ASB15: variants seen among roughly 807,000 people sequenced by gnomAD.
ASB15 encodes the protein ankyrin repeat and SOCS box protein 15.
Under a neutral mutation model 58.0 loss-of-function variants are expected in ASB15, and 54 were observed. The observed-to-expected ratio is 0.93, with a 90% CI of 0.75 to 1.17. ASB15 has a LOEUF of 1.17. ASB15 is among the 50% of genes most tolerant of loss of function. The pLI is 0.00. For synonymous variants in ASB15, 249 were observed against 262.4 expected, an observed-to-expected ratio of 0.95 and a Z score of 0.50; for missense variants, 680 against 707.4, an observed-to-expected ratio of 0.96 and a Z score of 0.44.
chr7:123,594,635 G>A (rs1584745380), intron 1 of ASB15, among the ~76,000 whole-genome samples: 1 of 152,160 alleles, frequency 6.6e-6, no homozygotes, highest in Non-Finnish European at 1.5e-5. Context: ...AAATATTGCT[G>A]CCTGATCCAT....
At chr7:123,597,917 CGTGTGT>C (rs61508655), upstream of ASB15, among the ~76,000 whole-genome samples, 440 of 133,056 alleles carry the variant, frequency 3.3e-3, 3 homozygotes, top group South Asian at 8.5e-3. Flanking sequence ...TTTCAAACTT[CGTGTGT>C]GTGTGTGTGT....
chr7:123,577,901 T>A (rs1471372662), intron 1 of ASB15, among the ~76,000 whole-genome samples: 3 of 152,018 alleles, frequency 2.0e-5, no homozygotes, highest in Non-Finnish European at 4.4e-5. Flanking sequence ...ATTACTTTTT[T>A]AAAAATTATA....
At chr7:123,591,514 G>A in intron 1 of ASB15, among the ~76,000 whole-genome samples, 1 of 152,174 alleles carries the variant, frequency 6.6e-6, no homozygotes. Flanking sequence ...ATGAAAGGCT[G>A]TTGAAGTTTG....
intron 8 of ASB15, among the ~76,000 whole-genome samples, chr7:123,626,055 C>T (rs1244951432): frequency 6.6e-6 from 1 of 152,180 alleles, no homozygotes; most frequent in Non-Finnish European, 1.5e-5. Flanking sequence ...ACTGGAATAT[C>T]ATACAGTTTG....
At position 123,637,651 on chromosome 7, in the gene ASB15, A is replaced by T. The variant is rs1206560759; in HGVS notation, c.*670A>T. The stretch of plus-strand genomic sequence containing the variant: ...AGCCAATCTTACAGTTATATATCTT[A>T]AGCCCTCTTCTCTTTGTTCTTTAAG... On this transcript the variant is annotated 3_prime_UTR_variant, in exon 12 of 12. Transcript: ENST00000451215. 1.3e-5 allele frequency: 2 copies of T among 151,760 alleles called. No individual in the cohort carries two copies. The highest frequency in any genetic ancestry group is 4.8e-5 in the African/African-American group (2 of 41,292). 9.4% of individuals were successfully genotyped at this position (151,760 alleles called of 1,614,324 possible).
intron 7 of ASB15, chr7:123,620,061 G>A (rs1012986882): frequency 3.9e-5 from 6 of 152,152 alleles, no homozygotes; most frequent in Admixed American, 2.6e-4. Flanking sequence ...CAACATTACA[G>A]TGTGCTTCCA....
intron 11 of ASB15, among the ~76,000 whole-genome samples, chr7:123,634,305 G>T (rs965946886): frequency 2.0e-5 from 3 of 151,662 alleles, no homozygotes; most frequent in Non-Finnish European, 4.4e-5. Flanking sequence ...TGCAGTGTTT[G>T]GTTTTCTGTT....
rs561871836 is a variant in ASB15 at position 123,588,993 on chromosome 7, A to G, written c.-442-15039A>G. Among the ~76,000 whole-genome samples the G allele has an allele frequency of 5.3e-5, 8 of 151,894 alleles. No homozygotes were observed. The South Asian group carries it at 1.7e-3, about 32-fold the overall frequency. On this transcript the variant is annotated intron_variant, in intron 1 of 13. Transcript: ENST00000451558. ...ATTTCTTTAGGGCCTAACATGATCTATCCTGGAGAATATTCTATGTCCATT... is the reference window on the plus strand; with the variant it reads ...ATTTCTTTAGGGCCTAACATGATCTGTCCTGGAGAATATTCTATGTCCATT...
At chr7:123,594,656 C>T (rs1383785934) in intron 1 of ASB15, among the ~76,000 whole-genome samples, 2 of 152,170 alleles carry the variant, frequency 1.3e-5, no homozygotes, top group Non-Finnish European at 2.9e-5. Flanking sequence ...CCTCTGGAAG[C>T]TTCGTCCCAG....
chr7:123,635,073 A>G (rs1802345539), intron 11 of ASB15, among the ~76,000 whole-genome samples: 1 of 152,226 alleles, frequency 6.6e-6, no homozygotes, highest in South Asian at 2.1e-4. Context: ...TGCAGATTAG[A>G]AAAGACTTAA....
chr7:123,583,202 G>A (rs1165996438), intron 1 of ASB15, among the ~76,000 whole-genome samples: 6 of 151,826 alleles, frequency 4.0e-5, no homozygotes, highest in Non-Finnish European at 7.4e-5. Flanking sequence ...ATCAGCTGGG[G>A]CAATTATAAC....
intron 1 of ASB15, chr7:123,596,570 C>T (rs974938419): frequency 6.6e-6 from 1 of 151,934 alleles, no homozygotes; most frequent in Admixed American, 6.6e-5. Flanking sequence ...CAAGATCGTA[C>T]CAGTGCACTC....
At chr7:123,623,985 AAG>A (rs1479300961) in intron 7 of ASB15, among the ~76,000 whole-genome samples, 1 of 135,254 alleles carries the variant, frequency 7.4e-6, no homozygotes, top group African/African-American at 2.7e-5. Flanking sequence ...GAAAGAAAGA[AAG>A]AAAGAAAGAG....
rs781642734 is a variant in ASB15 at position 123,629,086 on chromosome 7, T to C, written c.1092T>C (p.His364=). 1.2e-6 allele frequency: 2 copies of C among 1,613,656 alleles called. No homozygotes were observed. Among genetic ancestry groups the C allele is most frequent in the East Asian group, 4.5e-5 (2 of 44,892 alleles). The part of the protein sequence containing the change: ...LYFGVSNNDV[H]CTEVLLAAGA... ...TTGGCGTTTCTAATAATGACGTTCA[T>C]TGCACAGAAGTCCTTCTGGCTGCAG... The change falls in exon 10 of 12, where the codon CAT becomes CAC. Residue 364 remains histidine (H), a synonymous_variant. Transcript: ENST00000451215.
intron 1 of ASB15, among the ~76,000 whole-genome samples, chr7:123,572,131 C>CTTTTTTTTT: frequency 2.1e-5 from 1 of 47,978 alleles, no homozygotes; most frequent in Non-Finnish European, 3.6e-5. Flanking sequence ...TGTAGAATTT[C>CTTTTTTTTT]TTTTTTTTTT....
At chr7:123,570,555 C>T (rs1798882833) in intron 1 of ASB15, among the ~76,000 whole-genome samples, 1 of 152,150 alleles carries the variant, frequency 6.6e-6, no homozygotes. Context: ...AAGAAACTGG[C>T]TTCTGACGTC....
chr7:123,597,858 G>A (rs1242739653), upstream of ASB15, among the ~76,000 whole-genome samples: 2 of 151,664 alleles, frequency 1.3e-5, no homozygotes, highest in East Asian at 1.9e-4. Context: ...CACAGATATG[G>A]GGAAACTACT....
At chr7:123,576,762 A>C (rs549285514) in intron 1 of ASB15, among the ~76,000 whole-genome samples, 62 of 152,254 alleles carry the variant, frequency 4.1e-4, no homozygotes, top group African/African-American at 1.4e-3. Context: ...ACCTTTAGAA[A>C]GTATATTTTT....
intron 1 of ASB15, among the ~76,000 whole-genome samples, chr7:123,603,130 G>A (rs1244526261): frequency 6.6e-6 from 1 of 152,084 alleles, no homozygotes; most frequent in Non-Finnish European, 1.5e-5. Flanking sequence ...GTGCTTTACT[G>A]TGTGCTAAAC....
Sources: allele counts gnomAD v4.1 joint callset (sites outside exome capture counted in the v4.1 genomes callset), GRCh38; gene constraint gnomAD v4.1.1; transcripts MANE v1.5; gene names NCBI Gene and HGNC (gene_info 2026-07-23, HGNC 2026-07-21).